Variants in AHCYL2 observed in about 807,000 individuals in gnomAD.
AHCYL2 encodes S-adenosylhomocysteine hydrolase-like protein 2.
Under a neutral mutation model 81.4 loss-of-function variants are expected in AHCYL2, and 28 were observed. The ratio of observed to expected loss-of-function variants is 0.34; its 90% CI spans 0.25 to 0.47. AHCYL2 has a LOEUF of 0.47. Ranked by LOEUF, AHCYL2 falls within the 20% of genes least tolerant of loss-of-function variation. The pLI is 1.00. For synonymous variants in AHCYL2, 272 were observed against 290.2 expected (o/e 0.94, Z 0.64); for missense variants, 551 against 785.1 (o/e 0.70, Z 3.56).
rs1047905124 is a variant in AHCYL2, at chr7:129,419,478, C to T, written c.1462-3362C>T. The stretch of plus-strand genomic sequence containing the variant: ...CTGAGGCAGGAGAATCGCCTGAACC[C>T]GGGAGGCGGAGGTTGCAGTGAGCCA... On this transcript the variant is annotated intron_variant, in intron 12 of 16. Coordinates refer to ENST00000325006, the MANE Select transcript of AHCYL2 (RefSeq NM_015328.4). The surrounding 1 kb of genome is among the most constrained non-coding windows in gnomAD (Gnocchi z 4.7). Among the ~76,000 whole-genome samples, 4 of 152,050 alleles carry T rather than the reference C, an allele frequency of 2.6e-5. No homozygotes were observed. Among genetic ancestry groups the T allele is most frequent in the Non-Finnish European group, 5.9e-5 (4 of 68,002 alleles).
intron 1 of AHCYL2, among the ~76,000 whole-genome samples, chr7:129,324,618 C>T (rs1290398792): frequency 6.6e-6 from 1 of 152,180 alleles, no homozygotes; most frequent in African/African-American, 2.4e-5. Context: ...CGGGTTCACG[C>T]CATTCTCCTG....
intron 10 of AHCYL2, 76 bp from the exon 11 acceptor site, chr7:129,409,400 T>C: frequency 9.1e-7 from 1 of 1,103,726 alleles, no homozygotes; most frequent in South Asian, 1.4e-5. Flanking sequence ...CAACTTGATA[T>C]TAGCTTTTGA....
At chr7:129,363,363 A>G (rs371130275) in intron 1 of AHCYL2, among the ~76,000 whole-genome samples, 1 of 152,176 alleles carries the variant, frequency 6.6e-6, no homozygotes, top group Admixed American at 6.5e-5. Flanking sequence ...TTGTCAGTTA[A>G]TAGGCCTTCA....
intron 5 of AHCYL2, among the ~76,000 whole-genome samples, chr7:129,399,141 C>CAAAAAAAAAAAAAA (rs71162600): frequency 2.2e-5 from 1 of 44,968 alleles, no homozygotes; most frequent in African/African-American, 1.0e-4. Flanking sequence ...GACTCCATCT[C>CAAAAAAAAAAAAAA]AAAAAAAAAA....
intron 1 of AHCYL2, among the ~76,000 whole-genome samples, chr7:129,310,828 G>A (rs558557147): frequency 3.9e-5 from 6 of 152,220 alleles, no homozygotes; most frequent in Admixed American, 3.3e-4. Context: ...AGACTTGATG[G>A]GCCAGGCGTG....
intron 5 of AHCYL2, among the ~76,000 whole-genome samples, chr7:129,399,628 G>A (rs1795927715): frequency 6.6e-6 from 1 of 151,694 alleles, no homozygotes; most frequent in Non-Finnish European, 1.5e-5. Flanking sequence ...AAGTATAGAA[G>A]CAAGAAAAAT....
chr7:129,314,849 C>A (rs1238389215), intron 1 of AHCYL2, among the ~76,000 whole-genome samples: 1 of 152,158 alleles, frequency 6.6e-6, no homozygotes, highest in Admixed American at 6.5e-5. Flanking sequence ...CTAGAAGCCA[C>A]AATGGCAGTA....
chr7:129,233,764 C>T (rs1216279670), intron 1 of AHCYL2, among the ~76,000 whole-genome samples: 1 of 152,208 alleles, frequency 6.6e-6, no homozygotes, highest in Non-Finnish European at 1.5e-5. Context: ...AGATTATGGG[C>T]ATGAGCCACC....
At chr7:129,279,084 G>T (rs192162618) in intron 1 of AHCYL2, among the ~76,000 whole-genome samples, 14 of 152,140 alleles carry the variant, frequency 9.2e-5, no homozygotes, top group Middle Eastern at 6.8e-3. Flanking sequence ...GAATCAGTTT[G>T]TCAGATTCTA....
intron 1 of AHCYL2, among the ~76,000 whole-genome samples, chr7:129,238,197 A>G (rs1414669494): frequency 6.6e-6 from 1 of 152,214 alleles, no homozygotes; most frequent in African/African-American, 2.4e-5. Context: ...CTTCTTCAAC[A>G]AAGCTTTATT....
intron 6 of AHCYL2, among the ~76,000 whole-genome samples, chr7:129,402,837 C>T (rs1796099582): frequency 6.6e-6 from 1 of 152,114 alleles, no homozygotes; most frequent in Admixed American, 6.6e-5. Flanking sequence ...GGGAGAGTGC[C>T]TATACTTTGG....
chr7:129,428,629 C>G lies in AHCYL2; in HGVS notation c.*1584C>G, dbSNP rs1275830834. On this transcript the variant is annotated 3_prime_UTR_variant, in exon 17 of 17. Coordinates refer to ENST00000325006, the MANE Select transcript of AHCYL2 (RefSeq NM_015328.4). ...GATAACACCAGACCACGCATGATCA[C>G]CAAAACCTTCCCATCCTGATTCTCT... The G allele has an allele frequency of 6.6e-6, 1 of 152,240 alleles. No homozygotes were observed. Among genetic ancestry groups the G allele is most frequent in the Non-Finnish European group, 1.5e-5 (1 of 68,058 alleles). 9.4% of individuals were successfully genotyped at this position (152,240 alleles called of 1,614,324 possible).
chr7:129,234,035 CTCTT>C (rs1339744879), intron 1 of AHCYL2, among the ~76,000 whole-genome samples: 2 of 151,744 alleles, frequency 1.3e-5, no homozygotes, highest in East Asian at 3.9e-4. Context: ...TTTCTTCTCT[CTCTT>C]TCTCTTTGTT....
rs185135240 is a variant in AHCYL2, at chr7:129,409,332, G to A, written c.1296-144G>A. 130 of 579,248 alleles carry A rather than the reference G, an allele frequency of 2.2e-4. 1 individual carries two copies. In the African/African-American group the frequency reaches 2.4e-3, roughly 11 times the overall value. The allele number at this position is 579,248 out of a possible 1,614,324, so 35.9% of individuals were successfully genotyped here. The stretch of plus-strand genomic sequence containing the variant: ...TTTATTTCTGTCTTGTATGAACTAA[G>A]GAAATTGTTTGGATTTTTCACTTCT... On this transcript the variant is annotated intron_variant, in intron 10 of 16. Coordinates refer to ENST00000325006, the MANE Select transcript of AHCYL2 (RefSeq NM_015328.4).
chr7:129,280,867 CTT>C (rs756254951), intron 1 of AHCYL2, among the ~76,000 whole-genome samples: 25 of 138,422 alleles, frequency 1.8e-4, no homozygotes, highest in Admixed American at 1.4e-4. Flanking sequence ...TACATTGATT[CTT>C]TTTTTTTTTT....
chr7:129,409,464 T>C lies in AHCYL2; in HGVS notation c.1296-12T>C. 1 of 1,612,872 alleles carries C rather than the reference T, an allele frequency of 6.2e-7. No homozygotes were observed. The highest frequency in any genetic ancestry group is 8.5e-7 in the Non-Finnish European group (1 of 1,179,362). ...CCTGTTTAGGTTAATGGGTCATGCT[T>C]TATTTCAACAGTATGGATGGATTTC... On this transcript the variant is annotated splice_polypyrimidine_tract_variant and intron_variant, in intron 10 of 16. Coordinates refer to ENST00000325006, the MANE Select transcript of AHCYL2 (RefSeq NM_015328.4).
At chr7:129,317,476 AC>A in intron 1 of AHCYL2, among the ~76,000 whole-genome samples, 1 of 152,336 alleles carries the variant, frequency 6.6e-6, no homozygotes, top group Middle Eastern at 3.4e-3. Flanking sequence ...GTGAAGGAAG[AC>A]CGGGAAGAAA....
chr7:129,410,230 G>A, intron 11 of AHCYL2: 15 of 1,613,722 alleles, frequency 9.3e-6, no homozygotes, highest in Non-Finnish European at 1.1e-5. Flanking sequence ...TAAGCCCAAT[G>A]GCTCCTTCTC....
At chr7:129,381,522 G>A (rs976523598) in intron 2 of AHCYL2, among the ~76,000 whole-genome samples, 1 of 152,136 alleles carries the variant, frequency 6.6e-6, no homozygotes, top group Non-Finnish European at 1.5e-5. Flanking sequence ...TAATGTATCT[G>A]TTTAATGATA....
Sources: gnomAD v4.1 joint callset for allele counts (sites outside exome capture counted in the v4.1 genomes callset) on GRCh38, gnomAD v4.1.1 for gene constraint, Gnocchi (gnomAD v3.1) non-coding constraint, MANE v1.5 for transcripts, NCBI Gene and HGNC (gene_info 2026-07-23, HGNC 2026-07-21) for gene names.